The following DNMT3B variants were observed in gnomAD, a reference collection of about 807,000 sequenced individuals.
DNMT3B encodes the protein DNA methyltransferase 3 beta, also known as DNA (cytosine-5)-methyltransferase 3B.
Under a neutral mutation model 120.2 loss-of-function variants are expected in DNMT3B, and 37 were observed. The observed-to-expected ratio is 0.31, with a 90% CI of 0.24 to 0.40. The LOEUF is 0.40. Ranked by LOEUF, DNMT3B falls within the 10% of genes least tolerant of loss-of-function variation. DNMT3B has a pLI of 1.00. For missense variants in DNMT3B, 878 were observed against 1,137.3 expected (o/e 0.77, Z 3.28); for synonymous variants, 412 against 442.8 (o/e 0.93, Z 0.87).
chr20:32,792,816 G>T, intron 9 of DNMT3B, 46 bp downstream of exon 9: 1 of 1,612,556 alleles, frequency 6.2e-7, no homozygotes. Flanking sequence ...CTGCTGGTGG[G>T]ACCACTTCTT....
At chr20:32,780,228 C>A (rs2145905208) in intron 1 of DNMT3B, 90 bp from the exon 2 acceptor site, 2 of 1,613,142 alleles carry the variant, frequency 1.2e-6, no homozygotes, top group East Asian at 4.5e-5. Flanking sequence ...GGGGCCTTGG[C>A]CTGAGAACAC....
chr20:32,800,735 G>T (rs1188231130), intron 17 of DNMT3B, 100 bp from the exon 18 acceptor site: 1 of 1,345,738 alleles, frequency 7.4e-7, no homozygotes, highest in Non-Finnish European at 1.1e-6. Context: ...GATTACAGGT[G>T]TGAGCCACCT....
In DNMT3B at chr20:32,800,870, C is replaced by A; in HGVS notation, c.1941C>A (p.Gly647=). 6.2e-7 allele frequency: 1 copy of A among 1,614,206 alleles called. No individual in the cohort carries two copies. Among genetic ancestry groups the A allele is most frequent in the Non-Finnish European group, 8.5e-7 (1 of 1,180,040 alleles). Residue 647 remains glycine, a synonymous_variant, in exon 18 of 23, where the codon GGC becomes GGA. Coordinates refer to ENST00000328111, the MANE Select transcript of DNMT3B (RefSeq NM_006892.4). ...GGGGCCCATTTGACTTGGTGATTGG[C>A]GGAAGCCCATGCAACGATCTCTCAA... The part of the protein sequence containing the change: ...EEWGPFDLVI[G]GSPCNDLSNV...
At chr20:32,795,579 C>G (rs111697392) in intron 11 of DNMT3B, 45 bp downstream of exon 11, 2 of 1,613,974 alleles carry the variant, frequency 1.2e-6, no homozygotes, top group Admixed American at 1.7e-5. Flanking sequence ...GGGAGGAGGA[C>G]GCTGCAGATC....
intron 1 of DNMT3B, among the ~76,000 whole-genome samples, chr20:32,764,359 G>A (rs1192861745): frequency 1.3e-5 from 2 of 152,204 alleles, no homozygotes; most frequent in African/African-American, 4.8e-5. Flanking sequence ...TGGGTAAAGA[G>A]GCAGTGGGAT....
At position 32,798,454 on chromosome 20, in the gene DNMT3B, G is replaced by A. The variant is rs1018362546; in HGVS notation, c.1491-6G>A. ...AGGCATCCCTTCTCCCTGCCACTGG[G>A]TCCAGGTGTTTCTGTGTGGAGTGCC... On this transcript the variant is annotated splice_region_variant and splice_polypyrimidine_tract_variant and intron_variant, in intron 14 of 22. Coordinates refer to ENST00000328111, the MANE Select transcript of DNMT3B (RefSeq NM_006892.4). 1.2e-6 allele frequency: 2 copies of A among 1,614,214 alleles called. No individual in the cohort carries two copies. The highest frequency in any genetic ancestry group is 1.7e-6 in the Non-Finnish European group (2 of 1,180,040).
intron 9 of DNMT3B, 21 bp from the exon 10 acceptor site, chr20:32,793,515 G>C: frequency 6.2e-7 from 1 of 1,613,512 alleles, no homozygotes; most frequent in Non-Finnish European, 8.5e-7. Context: ...TTTCTGTTTT[G>C]TTTTGTTTTC....
At chr20:32,765,054 C>T (rs543741806) in intron 1 of DNMT3B, among the ~76,000 whole-genome samples, 5 of 152,356 alleles carry the variant, frequency 3.3e-5, no homozygotes, top group Non-Finnish European at 7.3e-5. Context: ...GGCTGCCTCA[C>T]CTCCAGGCTC....
chr20:32,792,195 C>T (rs1025687549), intron 8 of DNMT3B, among the ~76,000 whole-genome samples: 2 of 152,194 alleles, frequency 1.3e-5, no homozygotes, highest in Admixed American at 6.5e-5. Flanking sequence ...ACACTGAAAT[C>T]CTTGGTCCTT....
intron 3 of DNMT3B, among the ~76,000 whole-genome samples, chr20:32,784,332 G>C (rs931885141): frequency 9.2e-5 from 14 of 152,288 alleles, no homozygotes; most frequent in Middle Eastern, 3.4e-3. Context: ...ACCACACCCT[G>C]CATATTATTT....
intron 1 of DNMT3B, among the ~76,000 whole-genome samples, chr20:32,769,652 G>T (rs1245538872): frequency 2.6e-5 from 4 of 152,258 alleles, no homozygotes; most frequent in Middle Eastern, 3.4e-3. Flanking sequence ...TCCCTTATCT[G>T]CAGGCCTTAA....
intron 1 of DNMT3B, among the ~76,000 whole-genome samples, chr20:32,778,546 C>CA (rs757270309): frequency 7.9e-5 from 12 of 152,176 alleles, no homozygotes; most frequent in Non-Finnish European, 1.5e-4. Context: ...ATGCCATGGG[C>CA]AGGTGCAGGG....
intron 1 of DNMT3B, among the ~76,000 whole-genome samples, chr20:32,764,781 A>G (rs1258918822): frequency 6.6e-6 from 1 of 152,164 alleles, no homozygotes; most frequent in Non-Finnish European, 1.5e-5. Flanking sequence ...TTAAAGTCAT[A>G]GACATAACCC....
chr20:32,774,294 C>T, intron 1 of DNMT3B, among the ~76,000 whole-genome samples: 1 of 151,952 alleles, frequency 6.6e-6, no homozygotes, highest in Non-Finnish European at 1.5e-5. Flanking sequence ...ACTGCAAGCT[C>T]TGCCTCCCAG....
chr20:32,779,634 G>A (rs1333231622), intron 1 of DNMT3B, among the ~76,000 whole-genome samples: 1 of 152,190 alleles, frequency 6.6e-6, no homozygotes, highest in Non-Finnish European at 1.5e-5. Flanking sequence ...CCTGGTAACT[G>A]CCCCCAGGCT....
chr20:32,793,703 A>G, intron 10 of DNMT3B, 108 bp downstream of exon 10: 1 of 1,254,618 alleles, frequency 8.0e-7, no homozygotes, highest in Non-Finnish European at 1.1e-6. Flanking sequence ...TTGAAAAGTC[A>G]ATCTGAACTC....
At chr20:32,807,681 A>G in intron 22 of DNMT3B, 81 bp from the exon 23 acceptor site, 2 of 1,602,700 alleles carry the variant, frequency 1.2e-6, no homozygotes, top group East Asian at 4.5e-5. Flanking sequence ...GAGGGCAGAA[A>G]GAGTGGGACC....
At position 32,795,633 on chromosome 20, in the gene DNMT3B, T is replaced by G; in HGVS notation, c.1253-17T>G. ...GGCTCCCTGACCTCATCTCATGCCT[T>G]CTTCTTTTCTCAATAGAACAAATGG... On this transcript the variant is annotated splice_polypyrimidine_tract_variant and intron_variant, in intron 11 of 22. Coordinates refer to ENST00000328111, the MANE Select transcript of DNMT3B (RefSeq NM_006892.4). 6.2e-7 allele frequency: 1 copy of G among 1,614,146 alleles called. No individual in the cohort carries two copies.
At chr20:32,765,860 A>G (rs1319879150) in intron 1 of DNMT3B, among the ~76,000 whole-genome samples, 1 of 141,802 alleles carries the variant, frequency 7.1e-6, no homozygotes, top group South Asian at 2.2e-4. Context: ...GGTTCATGCC[A>G]TTCTCCTGCC....
Sources: allele counts gnomAD v4.1 joint callset (sites outside exome capture counted in the v4.1 genomes callset), GRCh38; gene constraint gnomAD v4.1.1; transcripts MANE v1.5; gene names NCBI Gene and HGNC (gene_info 2026-07-23, HGNC 2026-07-21).